The following SOX5 variants were observed in gnomAD, a reference collection of about 807,000 sequenced individuals.
SOX5 encodes SRY-box transcription factor 5.
In SOX5, 9 loss-of-function variants were observed where a neutral mutation model predicts 92.0. The ratio of observed to expected loss-of-function variants is 0.10; its 90% CI spans 0.06 to 0.17. SOX5 has a LOEUF of 0.17. SOX5 is among the 10% of genes least tolerant of loss of function. The pLI is 1.00. For synonymous variants in SOX5, 344 were observed against 336.3 expected (o/e 1.02, Z -0.25); for missense variants, 642 against 944.5 (o/e 0.68, Z 4.20).
intron 8 of SOX5, among the ~76,000 whole-genome samples, chr12:23,609,888 T>A (rs2075746967): frequency 6.6e-6 from 1 of 152,130 alleles, no homozygotes; most frequent in Non-Finnish European, 1.5e-5. Context: ...AATCAGTAGT[T>A]TTTCTTATAA....
intron 9 of SOX5, among the ~76,000 whole-genome samples, chr12:23,593,829 C>G (rs1951932583): frequency 6.6e-6 from 1 of 151,116 alleles, no homozygotes; most frequent in Admixed American, 6.6e-5. Context: ...CATATACTAA[C>G]TGGAAAGAGG....
intron 1 of SOX5, among the ~76,000 whole-genome samples, chr12:24,525,716 CA>C (rs966232861): frequency 7.2e-5 from 11 of 151,876 alleles, no homozygotes; most frequent in African/African-American, 2.4e-4. Flanking sequence ...CTAAAAATAC[CA>C]AAAAAATAGC....
chr12:24,428,834 A>G lies in SOX5; in HGVS notation c.-250-60195T>C, dbSNP rs1326968140. On this transcript the variant is annotated intron_variant, in intron 1 of 4. Transcript: ENST00000446891. ...TCTACAACGATTTTGCAACTTCAAG[A>G]CAGCATAGTGAGCCGGTTAATGGAT... Among the ~76,000 whole-genome samples the G allele has an allele frequency of 2.0e-5, 3 of 151,196 alleles. No individual in the cohort carries two copies. The East Asian group carries it at 5.8e-4, about 29-fold the overall frequency.
At chr12:24,468,790 C>T (rs544451073) in intron 1 of SOX5, among the ~76,000 whole-genome samples, 2 of 152,218 alleles carry the variant, frequency 1.3e-5, no homozygotes, top group East Asian at 1.9e-4. Context: ...TTCAAGGAGT[C>T]TAATGATGTT....
At chr12:24,520,626 T>C (rs1465522028) in intron 1 of SOX5, among the ~76,000 whole-genome samples, 3 of 152,002 alleles carry the variant, frequency 2.0e-5, no homozygotes, top group African/African-American at 7.2e-5. Context: ...AAAATGCCAG[T>C]AGTAAGCCTT....
chr12:24,282,644 G>A (rs1379014135), intron 2 of SOX5, among the ~76,000 whole-genome samples: 2 of 151,814 alleles, frequency 1.3e-5, no homozygotes, highest in Non-Finnish European at 2.9e-5. Flanking sequence ...GTTATTTACC[G>A]AGCACTATTC....
intron 6 of SOX5, among the ~76,000 whole-genome samples, chr12:23,677,607 A>C (rs2085918210): frequency 6.6e-6 from 1 of 152,204 alleles, no homozygotes; most frequent in Admixed American, 6.6e-5. Context: ...TTAAAAATTC[A>C]AATCAATAGC....
chr12:23,923,014 CG>C (rs1200693352), intron 1 of SOX5, among the ~76,000 whole-genome samples: 1 of 151,292 alleles, frequency 6.6e-6, no homozygotes, highest in Non-Finnish European at 1.5e-5. Flanking sequence ...GGCGCCATCT[CG>C]GCTCACTGCA....
chr12:23,986,928 A>C (rs1421780605), intron 4 of SOX5, among the ~76,000 whole-genome samples: 1 of 152,158 alleles, frequency 6.6e-6, no homozygotes, highest in African/African-American at 2.4e-5. Context: ...TTTTGTGCTA[A>C]AGACTCATTT....
intron 4 of SOX5, among the ~76,000 whole-genome samples, chr12:24,172,103 G>GCGCA (rs1954265446): frequency 6.3e-5 from 4 of 63,496 alleles, no homozygotes; most frequent in South Asian, 8.1e-4. Context: ...GCGTGCGCGC[G>GCGCA]TGTGTGTCTG....
In SOX5 at chr12:24,060,669, C is replaced by G. The variant is rs1211741087; in HGVS notation, c.-2+152674G>C. 2.0e-5 allele frequency among the ~76,000 whole-genome samples: 3 copies of G among 152,198 alleles called. No individual in the cohort carries two copies. In the East Asian group the frequency reaches 5.8e-4, roughly 29 times the overall value. ...CCCTAGCCAAAGAGCACGTCATCTT[C>G]TCAGCCTCGAGGATGGGTTCAGGTA... On this transcript the variant is annotated intron_variant, in intron 4 of 4. Transcript: ENST00000446891.
chr12:24,223,628 G>T (rs1173658841), intron 3 of SOX5, among the ~76,000 whole-genome samples: 1 of 152,098 alleles, frequency 6.6e-6, no homozygotes, highest in Non-Finnish European at 1.5e-5. Context: ...GTTGGCATGT[G>T]CCTGTAGTCC....
At chr12:24,508,482 G>A (rs1949009246) in intron 1 of SOX5, among the ~76,000 whole-genome samples, 1 of 152,210 alleles carries the variant, frequency 6.6e-6, no homozygotes, top group Admixed American at 6.5e-5. Flanking sequence ...GGGGTTGGGG[G>A]TAAAGAAAAT....
At chr12:24,402,059 A>G (rs1025384091) in intron 1 of SOX5, among the ~76,000 whole-genome samples, 5 of 152,318 alleles carry the variant, frequency 3.3e-5, no homozygotes, top group African/African-American at 7.2e-5. Context: ...AGAGTTCACA[A>G]TAATGGATGG....
Position 23,853,608 on chromosome 12 carries a change from A to C in SOX5, c.271-7415T>G, listed in dbSNP as rs1472860433. ...TATTTGAAAATATTCCTTCAGAATC[A>C]CACTTGCTAATAATCTCAGAAATGC... On this transcript the variant is annotated intron_variant, in intron 2 of 14. Coordinates refer to ENST00000451604, the MANE Select transcript of SOX5 (RefSeq NM_006940.6). 2.7e-5 allele frequency among the ~76,000 whole-genome samples: 4 copies of C among 149,828 alleles called. No individual in the cohort carries two copies. In the Admixed American group the frequency reaches 2.7e-4, roughly 10 times the overall value.
chr12:23,962,736 A>G (rs1016452455), intron 4 of SOX5, among the ~76,000 whole-genome samples: 1 of 152,184 alleles, frequency 6.6e-6, no homozygotes, highest in African/African-American at 2.4e-5. Context: ...GCAATTGCCC[A>G]CTGTTGTCCT....
intron 4 of SOX5, among the ~76,000 whole-genome samples, chr12:24,201,244 G>C (rs1237335111): frequency 6.6e-6 from 1 of 151,958 alleles, no homozygotes; most frequent in African/African-American, 2.4e-5. Flanking sequence ...TCCACTCCAT[G>C]TTGTGCGCTC....
intron 4 of SOX5, among the ~76,000 whole-genome samples, chr12:24,190,360 G>C (rs771791612): frequency 6.6e-6 from 1 of 152,128 alleles, no homozygotes; most frequent in Non-Finnish European, 1.5e-5. Flanking sequence ...ATCTTATCAA[G>C]GTAAAGGAGA....
intron 2 of SOX5, among the ~76,000 whole-genome samples, chr12:23,883,129 T>C (rs572543115): frequency 1.3e-5 from 2 of 150,618 alleles, no homozygotes; most frequent in East Asian, 2.0e-4. Flanking sequence ...TGCGGTGAGC[T>C]GAGATCGCGC....
Sources: allele counts gnomAD v4.1 joint callset (sites outside exome capture counted in the v4.1 genomes callset), GRCh38; gene constraint gnomAD v4.1.1; transcripts MANE v1.5; gene names NCBI Gene and HGNC (gene_info 2026-07-23, HGNC 2026-07-21).